The following KAZN variants were observed in gnomAD, a reference collection of about 807,000 sequenced individuals.
KAZN encodes kazrin, periplakin interacting protein.
In KAZN, 40 loss-of-function variants were observed where a neutral mutation model predicts 87.4. The ratio of observed to expected loss-of-function variants is 0.46; its 90% CI spans 0.36 to 0.60. The LOEUF is 0.60. Ranked by LOEUF, KAZN falls within the 20% of genes least tolerant of loss-of-function variation. KAZN has a pLI of 0.00. For synonymous variants in KAZN, 466 were observed against 458.3 expected, an observed-to-expected ratio of 1.02 and a Z score of -0.22; for missense variants, 898 against 1,073.9, an observed-to-expected ratio of 0.84 and a Z score of 2.29.
At chr1:14,657,369 C>T (rs1344772441) in intron 1 of KAZN, among the ~76,000 whole-genome samples, 2 of 152,226 alleles carry the variant, frequency 1.3e-5, no homozygotes, top group Non-Finnish European at 2.9e-5. Context: ...AGGCGTGAGC[C>T]ACCATGCCTG....
chr1:15,007,129 A>G (rs2102055213), intron 2 of KAZN, among the ~76,000 whole-genome samples: 1 of 152,106 alleles, frequency 6.6e-6, no homozygotes, highest in Admixed American at 6.6e-5. Context: ...CATAATACCA[A>G]TCACAGCTGT....
chr1:14,478,452 C>A (rs993811088), intron 2 of KAZN, among the ~76,000 whole-genome samples: 2 of 151,912 alleles, frequency 1.3e-5, no homozygotes, highest in African/African-American at 4.8e-5. Flanking sequence ...CACTTGAGAC[C>A]CAATTGGATG....
At chr1:14,176,044 T>A (rs1008864056) in intron 1 of KAZN, among the ~76,000 whole-genome samples, 2 of 152,064 alleles carry the variant, frequency 1.3e-5, no homozygotes. Flanking sequence ...AAAAGTCAGG[T>A]GGTATTGTTT....
At chr1:14,152,119 A>T (rs1433999935) in intron 1 of KAZN, among the ~76,000 whole-genome samples, 1 of 152,228 alleles carries the variant, frequency 6.6e-6, no homozygotes, top group Non-Finnish European at 1.5e-5. Flanking sequence ...CACAATAACC[A>T]TATATGGGTA....
At position 14,259,604 on chromosome 1, in the gene KAZN, G is replaced by A. The variant is rs114222259; in HGVS notation, c.249+79012G>A. ...GGAATCATCTGAAAGAGGCACATTC[G>A]TTGTGTTAGCCTGAGGTTCATCACC... On this transcript the variant is annotated intron_variant, in intron 2 of 16. Transcript: ENST00000636203. Among the ~76,000 whole-genome samples, 1,109 of 152,236 alleles carry A rather than the reference G, an allele frequency of 7.3e-3. 17 individuals are homozygous for A. The highest frequency in any genetic ancestry group is 0.025 in the African/African-American group (1,041 of 41,558).
In KAZN at chr1:14,867,288, G is replaced by GTGGGGAGAT. The variant is rs530673103; in HGVS notation, c.227-93394_227-93386dup. Among the ~76,000 whole-genome samples the GTGGGGAGAT allele has an allele frequency of 1.7e-4, 26 of 152,342 alleles. No homozygotes were observed. In the East Asian group the frequency reaches 4.4e-3, roughly 26 times the overall value. ...TGTGAGATCTGCGAGAGTGGGGAGA[G>GTGGGGAGAT]TGGGGAGATTTATTTTGCACTGAGG... On this transcript the variant is annotated intron_variant, in intron 1 of 14. Coordinates refer to ENST00000376030, the MANE Select transcript of KAZN (RefSeq NM_201628.3).
At chr1:14,804,306 A>G (rs1646134557) in intron 1 of KAZN, among the ~76,000 whole-genome samples, 1 of 152,348 alleles carries the variant, frequency 6.6e-6, no homozygotes, top group East Asian at 1.9e-4. Context: ...GCTGATGAGC[A>G]AGGCTTGGAA....
intron 1 of KAZN, among the ~76,000 whole-genome samples, chr1:14,673,143 G>A (rs1185077579): frequency 2.0e-5 from 3 of 152,194 alleles, no homozygotes; most frequent in Non-Finnish European, 4.4e-5. Flanking sequence ...ATCACAGCTG[G>A]AGGTTACAGG....
At chr1:14,216,761 G>T (rs990235015) in intron 2 of KAZN, among the ~76,000 whole-genome samples, 1 of 152,076 alleles carries the variant, frequency 6.6e-6, no homozygotes, top group Admixed American at 6.5e-5. Flanking sequence ...AAGATTAGCT[G>T]GGAGTGGTGG....
chr1:14,933,538 T>A lies in KAZN; in HGVS notation c.227-27146T>A, dbSNP rs79816317. On this transcript the variant is annotated intron_variant, in intron 1 of 14. Transcript: ENST00000376030. ...CCTTTAAACAGGGCTCCCTCACAGG[T>A]GCACTGGGAAGGTTTGGGGAAGATG... Among the ~76,000 whole-genome samples the A allele has an allele frequency of 2.8e-3, 417 of 149,358 alleles. 12 individuals carry two copies. The East Asian group carries it at 0.056, about 20-fold the overall frequency.
At chr1:14,222,365 CT>C (rs1481377059) in intron 2 of KAZN, among the ~76,000 whole-genome samples, 2 of 152,168 alleles carry the variant, frequency 1.3e-5, no homozygotes, top group African/African-American at 4.8e-5. Flanking sequence ...CCACTCTCCC[CT>C]CTCTTGTATT....
At chr1:13,925,391 A>T (rs1640233255) in intron 1 of KAZN, among the ~76,000 whole-genome samples, 1 of 152,220 alleles carries the variant, frequency 6.6e-6, no homozygotes. Context: ...AGAGCTAAAT[A>T]AAGTGTCAAA....
intron 2 of KAZN, among the ~76,000 whole-genome samples, chr1:14,342,568 G>T (rs1657810268): frequency 6.6e-6 from 1 of 152,228 alleles, no homozygotes; most frequent in Non-Finnish European, 1.5e-5. Flanking sequence ...TTCAATAAAT[G>T]AATGCTATGA....
At chr1:14,591,122 TG>T (rs1351429667) in intron 2 of KAZN, among the ~76,000 whole-genome samples, 1 of 151,944 alleles carries the variant, frequency 6.6e-6, no homozygotes, top group African/African-American at 2.4e-5. Context: ...TTAGCTTTGT[TG>T]GGGGGACCTC....
intron 2 of KAZN, among the ~76,000 whole-genome samples, chr1:14,491,172 G>A (rs1475099486): frequency 1.3e-5 from 2 of 152,064 alleles, no homozygotes; most frequent in Non-Finnish European, 2.9e-5. Context: ...TAAGAAAGTG[G>A]TTTTCTTTCC....
intron 2 of KAZN, among the ~76,000 whole-genome samples, chr1:14,182,127 C>T (rs1321334321): frequency 1.3e-5 from 2 of 151,794 alleles, no homozygotes; most frequent in African/African-American, 4.8e-5. Context: ...TTAAAATATC[C>T]CCTATCGTGT....
chr1:14,248,842 C>G (rs905616105), intron 2 of KAZN, among the ~76,000 whole-genome samples: 3 of 152,164 alleles, frequency 2.0e-5, no homozygotes, highest in African/African-American at 7.2e-5. Flanking sequence ...GGTTCAGCAG[C>G]TTCTACGTTG....
intron 1 of KAZN, among the ~76,000 whole-genome samples, chr1:13,918,317 G>A (rs1639936077): frequency 6.6e-6 from 1 of 152,208 alleles, no homozygotes; most frequent in South Asian, 2.1e-4. Context: ...GGATGACTTT[G>A]AGGGTTCAAG....
At chr1:14,013,452 C>T (rs1324078031) in intron 1 of KAZN, among the ~76,000 whole-genome samples, 1 of 152,026 alleles carries the variant, frequency 6.6e-6, no homozygotes, top group African/African-American at 2.4e-5. Context: ...TGACAACCCC[C>T]CAGAGGTTTT....
Sources: allele counts gnomAD v4.1 joint callset (sites outside exome capture counted in the v4.1 genomes callset), GRCh38; gene constraint gnomAD v4.1.1; transcripts MANE v1.5; gene names NCBI Gene and HGNC (gene_info 2026-07-23, HGNC 2026-07-21).